TBCK: variants seen among roughly 807,000 people sequenced by gnomAD.
The protein encoded by TBCK is TBC domain-containing protein kinase-like protein.
A neutral mutation model predicts 113.4 loss-of-function variants in TBCK; 99 were observed. The observed-to-expected ratio is 0.87, with a 90% CI of 0.74 to 1.03. The LOEUF (loss-of-function observed/expected upper bound fraction) is 1.03. Among genes scored for constraint, TBCK ranks in the 50% least tolerant of loss-of-function variants. The pLI, the probability that TBCK is intolerant of heterozygous loss-of-function variation, is 0.00. For missense variants in TBCK, 1,045 were observed against 1,061.3 expected (o/e 0.98, Z 0.21); for synonymous variants, 369 against 370.8 (o/e 1.00, Z 0.05).
chr4:106,291,257 A>G (rs1463357366), intron 3 of TBCK, among the ~76,000 whole-genome samples: 1 of 152,186 alleles, frequency 6.6e-6, no homozygotes, highest in African/African-American at 2.4e-5. Context: ...TCTTGGTCAC[A>G]GTTTTGATAA....
chr4:106,283,035 T>A (rs1300272919), intron 3 of TBCK, among the ~76,000 whole-genome samples: 1 of 152,110 alleles, frequency 6.6e-6, no homozygotes, highest in Admixed American at 6.6e-5. Flanking sequence ...ATTTTATTTT[T>A]AAAAAACATT....
intron 20 of TBCK, among the ~76,000 whole-genome samples, chr4:106,197,386 AGTGTGTGTGTGT>A (rs70941239): frequency 8.4e-6 from 1 of 118,994 alleles, no homozygotes; most frequent in African/African-American, 3.1e-5. Flanking sequence ...AACATATCTG[AGTGTGTGTGTGT>A]GTGTGTGTGT....
In TBCK at chr4:106,236,813, G is replaced by A; in HGVS notation, c.1171-5C>T. On this transcript the variant is annotated splice_region_variant and splice_polypyrimidine_tract_variant and intron_variant, in intron 12 of 25. Transcript: ENST00000394708. ...TCCACCAACATCTTTCAATCTCTGT[G>A]TATTTAAAGACAAAATATTTATGTA... 6.7e-7 allele frequency: 1 copy of A among 1,488,370 alleles called. No homozygotes were observed. 92.2% of individuals were successfully genotyped at this position (1,488,370 alleles called of 1,614,324 possible).
At chr4:106,191,170 A>G (rs1753624824) in intron 22 of TBCK, among the ~76,000 whole-genome samples, 1 of 152,190 alleles carries the variant, frequency 6.6e-6, no homozygotes, top group South Asian at 2.1e-4. Context: ...TTTCCATTGT[A>G]TTAGGCATTA....
chr4:106,114,618 C>T (rs1430650049), intron 24 of TBCK, among the ~76,000 whole-genome samples: 5 of 152,172 alleles, frequency 3.3e-5, no homozygotes, highest in African/African-American at 9.7e-5. Flanking sequence ...CTGCGTCTGA[C>T]TGCATTCTTA....
chr4:106,251,772 G>A, intron 6 of TBCK, 94 bp downstream of exon 6: 2 of 1,144,068 alleles, frequency 1.7e-6, no homozygotes, highest in African/African-American at 1.6e-5. Context: ...AATTTGTACA[G>A]CAAAAACATA....
intron 3 of TBCK, among the ~76,000 whole-genome samples, chr4:106,264,000 G>A (rs1422151319): frequency 6.6e-6 from 1 of 151,818 alleles, no homozygotes; most frequent in Non-Finnish European, 1.5e-5. Flanking sequence ...ATAATCATCA[G>A]CAGGTAGTTT....
intron 23 of TBCK, among the ~76,000 whole-genome samples, chr4:106,131,361 C>T (rs66500360): frequency 0.21 from 31,442 of 152,162 alleles, 4,012 homozygotes; most frequent in Non-Finnish European, 0.29. Flanking sequence ...GCCTGTAATC[C>T]CAGAACTCTG....
In TBCK at chr4:106,116,310, C is replaced by G. The variant is rs984170326; in HGVS notation, c.2304G>C (p.Leu768=). 1.9e-6 allele frequency: 3 copies of G among 1,613,740 alleles called. No homozygotes were observed. Among genetic ancestry groups the G allele is most frequent in the Non-Finnish European group, 2.5e-6 (3 of 1,179,980 alleles). Residue 768 remains leucine, a synonymous_variant, in exon 24 of 26, where the codon CTG becomes CTC. Transcript: ENST00000394708. The part of the protein sequence containing the change: ...EVSPRISAED[L]IDLCELTVTG... ...TCACTGTGAGCTCACACAAGTCAAT[C>G]AGGTCCTCTGCTGAAATCCGTGGTG...
chr4:106,184,371 A>G (rs1216668829), intron 22 of TBCK, among the ~76,000 whole-genome samples: 1 of 152,036 alleles, frequency 6.6e-6, no homozygotes, highest in Non-Finnish European at 1.5e-5. Flanking sequence ...CTAACTGAAA[A>G]TATTAGAGAA....
At chr4:106,132,925 C>G (rs1258808321) in intron 23 of TBCK, among the ~76,000 whole-genome samples, 1 of 152,228 alleles carries the variant, frequency 6.6e-6, no homozygotes, top group Middle Eastern at 3.2e-3. Flanking sequence ...GCCTGTACCC[C>G]CACTGTATTT....
intron 3 of TBCK, among the ~76,000 whole-genome samples, chr4:106,284,596 T>C (rs1384133437): frequency 6.6e-6 from 1 of 152,130 alleles, no homozygotes; most frequent in Non-Finnish European, 1.5e-5. Flanking sequence ...CTGCCCACCC[T>C]GCATTCACCT....
chr4:106,231,888 A>G, intron 17 of TBCK, 109 bp from the exon 18 acceptor site: 1 of 970,582 alleles, frequency 1.0e-6, no homozygotes, highest in Non-Finnish European at 1.6e-6. Flanking sequence ...ATTAAACATT[A>G]GAAGTATTAT....
At chr4:106,212,323 T>G (rs1351481918) in intron 20 of TBCK, among the ~76,000 whole-genome samples, 1 of 152,164 alleles carries the variant, frequency 6.6e-6, no homozygotes, top group Admixed American at 6.5e-5. Context: ...TTTTCAACTC[T>G]GACTTTTAGC....
At chr4:106,268,271 C>T (rs992311079) in intron 3 of TBCK, among the ~76,000 whole-genome samples, 1 of 152,002 alleles carries the variant, frequency 6.6e-6, no homozygotes, top group East Asian at 1.9e-4. Flanking sequence ...AACTCCCTTT[C>T]TTGATTTCCG....
chr4:106,072,559 C>T (rs576868498), intron 25 of TBCK, among the ~76,000 whole-genome samples: 12 of 151,956 alleles, frequency 7.9e-5, no homozygotes, highest in Non-Finnish European at 1.3e-4. Context: ...TTGGTTAATC[C>T]GAAAATTATG....
chr4:106,099,039 C>G (rs1425674508), intron 24 of TBCK, among the ~76,000 whole-genome samples: 1 of 151,956 alleles, frequency 6.6e-6, no homozygotes. Flanking sequence ...TTCTAGGTTT[C>G]TAAGATATTA....
intron 25 of TBCK, among the ~76,000 whole-genome samples, chr4:106,094,191 C>G (rs1352129150): frequency 6.6e-6 from 1 of 152,142 alleles, no homozygotes; most frequent in Non-Finnish European, 1.5e-5. Flanking sequence ...GGACTTCATA[C>G]ACACTCGCTC....
chr4:106,214,264 G>C (rs1397291174), intron 19 of TBCK, among the ~76,000 whole-genome samples: 2 of 152,228 alleles, frequency 1.3e-5, no homozygotes, highest in Non-Finnish European at 2.9e-5. Context: ...CACAAAGATG[G>C]GGAAAAAACA....
Sources: allele counts gnomAD v4.1 joint callset (sites outside exome capture counted in the v4.1 genomes callset), GRCh38; gene constraint gnomAD v4.1.1; transcripts MANE v1.5; gene names NCBI Gene and HGNC (gene_info 2026-07-23, HGNC 2026-07-21).